ACSF3: variants seen among roughly 807,000 people sequenced by gnomAD.
The protein encoded by ACSF3 is acyl-CoA synthetase family member 3.
A neutral mutation model predicts 53.2 loss-of-function variants in ACSF3; 78 were observed. That is an observed-to-expected ratio of 1.47 (90% confidence interval 1.22 to 1.77). ACSF3 has a LOEUF of 1.77. ACSF3 is among the 40% of genes most tolerant of loss of function. The probability of loss-of-function intolerance (pLI) is 0.00; values close to 1 mark genes in which losing one functional copy is unlikely to be tolerated. For missense variants in ACSF3, 937 were observed against 771.1 expected (o/e 1.22, Z -2.55); for synonymous variants, 414 against 333.1 (o/e 1.24, Z -2.65).
At chr16:89,152,128 G>C (rs1914163751) in intron 10 of ACSF3, 1 of 152,288 alleles carries the variant, frequency 6.6e-6, no homozygotes, top group South Asian at 2.1e-4. Context: ...AGGGGCGCCT[G>C]CCCTCACCAC....
chr16:89,109,700 G>A (rs536986890), intron 4 of ACSF3, among the ~76,000 whole-genome samples: 21 of 152,056 alleles, frequency 1.4e-4, no homozygotes, highest in South Asian at 4.2e-4. Flanking sequence ...CCGTGAGCCC[G>A]CCGCACCCGG....
chr16:89,147,265 G>A (rs1913181423), intron 10 of ACSF3, among the ~76,000 whole-genome samples: 1 of 88,202 alleles, frequency 1.1e-5, no homozygotes, highest in African/African-American at 4.4e-5. Flanking sequence ...CAGAGTGAGT[G>A]AGGGAGGAGG....
chr16:89,142,796 C>G (rs1654522803), intron 8 of ACSF3, among the ~76,000 whole-genome samples: 1 of 152,084 alleles, frequency 6.6e-6, no homozygotes, highest in Non-Finnish European at 1.5e-5. Flanking sequence ...TGCAGACACA[C>G]CCACACCTGC....
At chr16:89,110,088 G>A (rs1012578197) in intron 4 of ACSF3, among the ~76,000 whole-genome samples, 6 of 152,074 alleles carry the variant, frequency 3.9e-5, no homozygotes, top group African/African-American at 1.4e-4. Flanking sequence ...TTTTCTTAAT[G>A]TGTCTTTTGG....
In ACSF3 at chr16:89,120,906, G is replaced by A; in HGVS notation, c.1232G>A (p.Gly411Glu). 1.9e-6 allele frequency: 3 copies of A among 1,613,804 alleles called. No homozygotes were observed. Among genetic ancestry groups the A allele is most frequent in the Non-Finnish European group, 2.5e-6 (3 of 1,179,914 alleles). ...ATCCACGCAGAGGGAGACGAGAGGG[G>A]GACCAAGGTAAGCCACTCTGCTCTT... ...YTIHAEGDER[G>E]TKVTPGFEEK... The change falls in exon 7 of 11, where the codon GGG becomes GAG. Residue 411 changes from glycine to glutamate, a missense_variant. Coordinates refer to ENST00000614302, the MANE Select transcript of ACSF3 (RefSeq NM_001243279.3).
Position 89,154,258 on chromosome 16 carries a change from C to T in ACSF3, c.*51C>T. ...GGTGGGGAGCAGCAGACGTCCCCTT[C>T]ACACCGAGAACCACGGGGGCCCGTC... is the stretch of plus-strand genomic sequence containing the variant. On this transcript the variant is annotated 3_prime_UTR_variant, in exon 11 of 11. Transcript: ENST00000614302. 1 of 1,571,626 alleles carries T rather than the reference C, an allele frequency of 6.4e-7. No homozygotes were observed. The highest frequency in any genetic ancestry group is 8.7e-7 in the Non-Finnish European group (1 of 1,148,598).
Position 89,154,683 on chromosome 16 carries a change from C to A in ACSF3, c.*476C>A. ...AGGTCTGGGCAGCCACCCAGGGGGCCCTCCTGGGAGGAGCTGAGGGTTCAC... is the reference window on the plus strand; with the variant it reads ...AGGTCTGGGCAGCCACCCAGGGGGCACTCCTGGGAGGAGCTGAGGGTTCAC... On this transcript the variant is annotated 3_prime_UTR_variant, in exon 11 of 11. Coordinates refer to ENST00000614302, the MANE Select transcript of ACSF3 (RefSeq NM_001243279.3). 2.2e-6 allele frequency: 1 copy of A among 454,064 alleles called. No individual in the cohort carries two copies. Among genetic ancestry groups the A allele is most frequent in the South Asian group, 1.6e-5 (1 of 64,366 alleles). The allele number at this position is 454,064 out of a possible 1,614,324, so 28.1% of individuals were successfully genotyped here.
intron 10 of ACSF3, chr16:89,148,005 A>T (rs891764984): frequency 1.3e-4 from 19 of 151,880 alleles, no homozygotes; most frequent in African/African-American, 4.6e-4. Context: ...GTGCCAAAAG[A>T]GAGCCGCCAG....
rs111697031 is a variant in ACSF3, at chr16:89,112,513, A to G, written c.977+267A>G. ...TCTCTCTGTCACACTCTGTCTCTCT[A>G]TCTCTCTCTGTCTCTCTTTGTCTCT... On this transcript the variant is annotated intron_variant, in intron 5 of 10. Coordinates refer to ENST00000614302, the MANE Select transcript of ACSF3 (RefSeq NM_001243279.3). Among the ~76,000 whole-genome samples the G allele has an allele frequency of 7.3e-5, 11 of 150,098 alleles. No homozygotes were observed. In the South Asian group the frequency reaches 1.9e-3, roughly 26 times the overall value.
At chr16:89,104,300 C>T (rs1282320498) in intron 4 of ACSF3, among the ~76,000 whole-genome samples, 1 of 152,246 alleles carries the variant, frequency 6.6e-6, no homozygotes, top group Non-Finnish European at 1.5e-5. Flanking sequence ...TGGTTCTCAG[C>T]ACAGAGGAGC....
chr16:89,154,428 C>A lies in ACSF3; in HGVS notation c.*221C>A. 1.5e-6 allele frequency: 1 copy of A among 667,064 alleles called. No homozygotes were observed. The highest frequency in any genetic ancestry group is 2.7e-6 in the Non-Finnish European group (1 of 364,490). The allele number at this position is 667,064 out of a possible 1,614,324, so 41.3% of individuals were successfully genotyped here. A position where few individuals can be genotyped will look rare whatever the true frequency, so the allele number is the denominator to read the frequency against. On this transcript the variant is annotated 3_prime_UTR_variant, in exon 11 of 11. Coordinates refer to ENST00000614302, the MANE Select transcript of ACSF3 (RefSeq NM_001243279.3). ...GAGACCGTCCCTGGTGTCACCTCTGCCTGGTCACCGCCGACCTCATCTGTG... is the reference window on the plus strand; with the variant it reads ...GAGACCGTCCCTGGTGTCACCTCTGACTGGTCACCGCCGACCTCATCTGTG...
intron 2 of ACSF3, among the ~76,000 whole-genome samples, chr16:89,099,273 G>T (rs532368581): frequency 7.9e-5 from 12 of 152,360 alleles, no homozygotes; most frequent in African/African-American, 2.9e-4. Context: ...CGTCAGGAGC[G>T]TTGGGCCCAC....
rs1381634837 is a variant in ACSF3, at chr16:89,102,683, G to A, written c.746G>A (p.Gly249Asp). ...GTGCTCCCGCTGCACCACGTCCATG[G>A]TGTGGTCAACGCGCTGCTCTGTCCT... Reference protein sequence around the residue: ...LHVLPLHHVHGVVNALLCPLW... With the variant: ...LHVLPLHHVHDVVNALLCPLW... Residue 249 changes from glycine (G) to aspartate (D), a missense_variant, in exon 4 of 11, where the codon GGT becomes GAT. Physicochemically the swap from Gly to Asp is moderately conservative, Grantham distance 94. Transcript: ENST00000614302. 2 of 1,613,788 alleles carry A rather than the reference G, an allele frequency of 1.2e-6. No homozygotes were observed. Among genetic ancestry groups the A allele is most frequent in the Admixed American group, 1.7e-5 (1 of 60,018 alleles).
In ACSF3 at chr16:89,093,917, A is replaced by G. The variant is rs1317545897; in HGVS notation, c.-273A>G. On this transcript the variant is annotated 5_prime_UTR_variant, in exon 1 of 11. Coordinates refer to ENST00000614302, the MANE Select transcript of ACSF3 (RefSeq NM_001243279.3). Reference sequence around the variant, plus strand: ...CGGGACCCGGCCGGAACCCGGCCCGACCCCGGCGCGCGCGCGGCGGAGGAC... The same window carrying G: ...CGGGACCCGGCCGGAACCCGGCCCGGCCCCGGCGCGCGCGCGGCGGAGGAC... 2 of 327,618 alleles carry G rather than the reference A, an allele frequency of 6.1e-6. No homozygotes were observed. The highest frequency in any genetic ancestry group is 3.2e-5 in the Admixed American group (1 of 31,200). 20.3% of individuals were successfully genotyped at this position (327,618 alleles called of 1,614,324 possible). A position where few individuals can be genotyped will look rare whatever the true frequency, so the allele number is the denominator to read the frequency against.
chr16:89,102,930 A>G lies in ACSF3; in HGVS notation c.822+171A>G, dbSNP rs147772295. Among the ~76,000 whole-genome samples the G allele has an allele frequency of 1.1e-4, 16 of 152,246 alleles. No homozygotes were observed. In the East Asian group the frequency reaches 2.7e-3, roughly 26 times the overall value. ...CTTTTCCTGGTGTGCAGTCGCCCCTATCCACAGGGGACGTGCCAATGCCGA... is the reference window on the plus strand; with the variant it reads ...CTTTTCCTGGTGTGCAGTCGCCCCTGTCCACAGGGGACGTGCCAATGCCGA... On this transcript the variant is annotated intron_variant, in intron 4 of 10. Transcript: ENST00000614302.
chr16:89,145,930 A>G lies in ACSF3; in HGVS notation c.1502-8A>G, dbSNP rs760700508. The stretch of plus-strand genomic sequence containing the variant: ...CCCCATGTTCTCAAACTGTTCTTCT[A>G]TCCGCAGATGTGGCTGTGATTGGAG... On this transcript the variant is annotated splice_polypyrimidine_tract_variant and splice_region_variant and intron_variant, in intron 9 of 10. Coordinates refer to ENST00000614302, the MANE Select transcript of ACSF3 (RefSeq NM_001243279.3). The G allele has an allele frequency of 2.0e-5, 32 of 1,612,526 alleles. No individual in the cohort carries two copies. In the South Asian group the frequency reaches 2.9e-4, roughly 14 times the overall value.
At chr16:89,111,310 G>A (rs1363455517) in intron 4 of ACSF3, among the ~76,000 whole-genome samples, 3 of 152,210 alleles carry the variant, frequency 2.0e-5, no homozygotes, top group African/African-American at 4.8e-5. Context: ...AGGCAGCTGC[G>A]GTGAGGCACT....
chr16:89,100,499 T>G, intron 2 of ACSF3, 163 bp from the exon 3 acceptor site: 1 of 678,142 alleles, frequency 1.5e-6, no homozygotes, highest in Non-Finnish European at 2.5e-6. Flanking sequence ...TCCAGCAGTG[T>G]GGGTGAGAAA....
At chr16:89,139,315 C>T (rs948699234) in intron 8 of ACSF3, among the ~76,000 whole-genome samples, 2 of 152,160 alleles carry the variant, frequency 1.3e-5, no homozygotes, top group East Asian at 1.9e-4. Context: ...AGGACGTCGG[C>T]TCCCAGCCCA....
Sources: allele counts gnomAD v4.1 joint callset (sites outside exome capture counted in the v4.1 genomes callset), GRCh38; gene constraint gnomAD v4.1.1; transcripts MANE v1.5; gene names NCBI Gene and HGNC (gene_info 2026-07-23, HGNC 2026-07-21).